TMEM114: variants seen among roughly 807,000 people sequenced by gnomAD.
TMEM114 encodes the protein claudin-26.
Under a neutral mutation model 6.2 loss-of-function variants are expected in TMEM114, and 6 were observed. The ratio of observed to expected loss-of-function variants is 0.97; its 90% CI spans 0.53 to 1.91. The LOEUF is 1.91. Among genes scored for constraint, TMEM114 ranks in the 40% most tolerant of loss-of-function variants. TMEM114 has a pLI of 0.01. For missense variants in TMEM114, 218 were observed against 158.3 expected (o/e 1.38, Z -2.02); for synonymous variants, 104 against 73.0 (o/e 1.42, Z -2.16).
intron 2 of TMEM114, 84 bp from the exon 3 acceptor site, chr16:8,572,308 C>T: frequency 6.7e-7 from 1 of 1,483,382 alleles, no homozygotes; most frequent in Non-Finnish European, 9.2e-7. Flanking sequence ...CGAGCACCTA[C>T]TAGAGCTGGG....
At chr16:8,558,590 T>G (rs1901091898) in intron 2 of TMEM114, among the ~76,000 whole-genome samples, 1 of 152,158 alleles carries the variant, frequency 6.6e-6, no homozygotes, top group Non-Finnish European at 1.5e-5. Context: ...AAGTTACAAT[T>G]TCAACATGAT....
In TMEM114 at chr16:8,537,605, A is replaced by G. The variant is rs189401526; in HGVS notation, n.434T>C. 7 of 152,352 alleles carry G rather than the reference A, an allele frequency of 4.6e-5. No individual in the cohort carries two copies. The East Asian group carries it at 1.2e-3, about 25-fold the overall frequency. The allele number at this position is 152,352 out of a possible 1,614,324, so 9.4% of individuals were successfully genotyped here. A position where few individuals can be genotyped will look rare whatever the true frequency, so the allele number is the denominator to read the frequency against. On this transcript the variant is annotated non_coding_transcript_exon_variant, in exon 3 of 3. Coordinates refer to the TMEM114 transcript ENST00000623677. ...AATATTTTAATAAACATTCTTCCCAATTCATATAGCTATTCACATATATGT... is the reference window on the plus strand; with the variant it reads ...AATATTTTAATAAACATTCTTCCCAGTTCATATAGCTATTCACATATATGT...
chr16:8,530,236 G>A, the TMEM114 span, among the ~76,000 whole-genome samples: 5 of 152,112 alleles, frequency 3.3e-5, no homozygotes, highest in Non-Finnish European at 7.4e-5. Context: ...CTCACTCTCA[G>A]CAAAGTATCT....
intron 2 of TMEM114, among the ~76,000 whole-genome samples, chr16:8,542,573 GC>G (rs1481603859): frequency 6.6e-6 from 1 of 152,190 alleles, no homozygotes; most frequent in Non-Finnish European, 1.5e-5. Flanking sequence ...GGTTGGAAAT[GC>G]AAATTCCTTG....
chr16:8,541,130 G>C (rs567877587), intron 2 of TMEM114, among the ~76,000 whole-genome samples: 22 of 152,224 alleles, frequency 1.4e-4, no homozygotes, highest in African/African-American at 5.1e-4. Context: ...TTGAACTCTT[G>C]CTATATGCCA....
chr16:8,532,986 C>A (rs1020810983), downstream of TMEM114, among the ~76,000 whole-genome samples: 11 of 152,128 alleles, frequency 7.2e-5, no homozygotes, highest in African/African-American at 2.7e-4. Flanking sequence ...TTTCTGTGCA[C>A]TGACACTGTG....
At chr16:8,564,161 ATGAG>A (rs1319086229) in intron 2 of TMEM114, among the ~76,000 whole-genome samples, 2 of 145,716 alleles carry the variant, frequency 1.4e-5, no homozygotes, top group Admixed American at 6.7e-5. Flanking sequence ...GAGTTAGTGA[ATGAG>A]TGAGTAAATG....
rs60780603 is a variant in TMEM114 at position 8,561,924 on chromosome 16, ATGAGTGAG to A, written n.213-24106_213-24099del. The stretch of plus-strand genomic sequence containing the variant: ...AATGAGTGAATGAATGAGTAAGTGA[ATGAGTGAG>A]TGAGTAAGTGAATGAGTGAATGAGG... On this transcript the variant is annotated intron_variant and non_coding_transcript_variant, in intron 2 of 2. Coordinates refer to the TMEM114 transcript ENST00000623677. Among the ~76,000 whole-genome samples, 373 of 144,424 alleles carry A rather than the reference ATGAGTGAG, an allele frequency of 2.6e-3. 1 individual carries two copies. The highest frequency in any genetic ancestry group is 0.024 in the South Asian group (110 of 4,608). The allele number at this position is 144,424 out of a possible 152,430, so 94.7% of individuals were successfully genotyped here. A position where few individuals can be genotyped will look rare whatever the true frequency, so the allele number is the denominator to read the frequency against.
chr16:8,530,780 T>G, the TMEM114 span, among the ~76,000 whole-genome samples: 1 of 151,912 alleles, frequency 6.6e-6, no homozygotes, highest in Non-Finnish European at 1.5e-5. Flanking sequence ...CCCCAGCACT[T>G]TGGGAGGCCG....
intron 2 of TMEM114, among the ~76,000 whole-genome samples, chr16:8,541,305 A>G (rs565071939): frequency 1.3e-5 from 2 of 152,322 alleles, no homozygotes; most frequent in African/African-American, 4.8e-5. Flanking sequence ...GACTCAGAGC[A>G]TCATACAATT....
downstream of TMEM114, among the ~76,000 whole-genome samples, chr16:8,566,270 G>A (rs181674495): frequency 3.3e-5 from 5 of 151,984 alleles, no homozygotes; most frequent in African/African-American, 1.2e-4. Flanking sequence ...CCAGCTACTG[G>A]GGAGGCTGAG....
At chr16:8,559,545 A>G (rs557286651) in intron 2 of TMEM114, among the ~76,000 whole-genome samples, 1 of 152,346 alleles carries the variant, frequency 6.6e-6, no homozygotes, top group South Asian at 2.1e-4. Flanking sequence ...CAAGGAACAA[A>G]GGTGGAAGCG....
intron 2 of TMEM114, among the ~76,000 whole-genome samples, chr16:8,559,262 C>G (rs1210178847): frequency 1.3e-5 from 2 of 152,132 alleles, no homozygotes; most frequent in African/African-American, 2.4e-5. Flanking sequence ...AGGCTGGTCT[C>G]CAACTCATAA....
At chr16:8,570,422 C>G (rs898057085) in intron 3 of TMEM114, among the ~76,000 whole-genome samples, 4 of 152,114 alleles carry the variant, frequency 2.6e-5, no homozygotes, top group African/African-American at 9.7e-5. Flanking sequence ...ACCTCCACCT[C>G]CCGGGTTCAA....
chr16:8,534,922 C>G (rs1413143304), downstream of TMEM114, among the ~76,000 whole-genome samples: 1 of 152,226 alleles, frequency 6.6e-6, no homozygotes, highest in Non-Finnish European at 1.5e-5. Flanking sequence ...GTGCCCAGCA[C>G]TTAGGTCCCT....
At chr16:8,543,507 C>T (rs74446417) in intron 2 of TMEM114, among the ~76,000 whole-genome samples, 2,343 of 152,068 alleles carry the variant, frequency 0.015, 59 homozygotes, top group African/African-American at 0.054. Context: ...TTCATTCCTC[C>T]AAAACTTTGC....
At chr16:8,535,359 C>A (rs189829088), downstream of TMEM114, among the ~76,000 whole-genome samples, 10 of 151,958 alleles carry the variant, frequency 6.6e-5, no homozygotes, top group African/African-American at 2.4e-4. Flanking sequence ...AATGTCAAGT[C>A]AGAGTGAAAC....
chr16:8,589,438 G>C (rs1410105929), intron 1 of TMEM114, 145 bp from the exon 2 acceptor site: 2 of 398,074 alleles, frequency 5.0e-6, no homozygotes, highest in South Asian at 1.4e-4. Context: ...TCGCAGCCGG[G>C]TGCCTCTCGG....
chr16:8,550,552 C>T (rs1213712271), intron 2 of TMEM114, among the ~76,000 whole-genome samples: 3 of 152,108 alleles, frequency 2.0e-5, no homozygotes, highest in African/African-American at 7.2e-5. Flanking sequence ...GTGGTGCATG[C>T]CTGTAATCCC....
Sources: allele counts gnomAD v4.1 joint callset (sites outside exome capture counted in the v4.1 genomes callset), GRCh38; gene constraint gnomAD v4.1.1; transcripts MANE v1.5; gene names NCBI Gene and HGNC (gene_info 2026-07-23, HGNC 2026-07-21).